GOLM2: variants seen among roughly 807,000 people sequenced by gnomAD.
The protein encoded by GOLM2 is protein GOLM2.
Under a neutral mutation model 55.9 loss-of-function variants are expected in GOLM2, and 26 were observed. That is an observed-to-expected ratio of 0.47 (90% confidence interval 0.34 to 0.65). The LOEUF is 0.65. Ranked by LOEUF, GOLM2 falls within the 30% of genes least tolerant of loss-of-function variation. The pLI is 0.01. For synonymous variants in GOLM2, 165 were observed against 194.6 expected, an observed-to-expected ratio of 0.85 and a Z score of 1.27; for missense variants, 486 against 531.8, an observed-to-expected ratio of 0.91 and a Z score of 0.85.
Position 44,289,234 on chromosome 15 carries a change from G to A in GOLM2, c.205G>A (p.Asp69Asn), listed in dbSNP as rs2078703007. 6.2e-7 allele frequency: 1 copy of A among 1,614,082 alleles called. No individual in the cohort carries two copies. Among genetic ancestry groups the A allele is most frequent in the Admixed American group, 1.7e-5 (1 of 60,008 alleles). Residue 69 changes from aspartate (D) to asparagine (N), a missense_variant, in exon 1 of 10, where the codon GAC becomes AAC. By Grantham distance (23) the Asp-to-Asn change is conservative. Transcript: ENST00000299957. This position sits in a 1 kb window ranked among gnomAD's most constrained non-coding sequence, Gnocchi z 4.8. The stretch of plus-strand genomic sequence containing the variant: ...CGGGCGGCTGGAAAAGCGCAATTCG[G>A]ACCTCTTGCTGTTGGTGGACACGCA... ...ARGRLEKRNS[D>N]LLLLVDTHKK...
intron 6 of GOLM2, among the ~76,000 whole-genome samples, chr15:44,351,926 C>T (rs930546922): frequency 5.9e-5 from 9 of 152,010 alleles, no homozygotes; most frequent in African/African-American, 2.2e-4. Flanking sequence ...TTGAAGAGGA[C>T]ACACACACAA....
intron 6 of GOLM2, among the ~76,000 whole-genome samples, chr15:44,361,047 C>G (rs1366696389): frequency 6.6e-6 from 1 of 150,590 alleles, no homozygotes; most frequent in Non-Finnish European, 1.5e-5. Flanking sequence ...GGGACACATT[C>G]AAAGCAGTGT....
At chr15:44,296,877 C>T (rs144202438) in intron 1 of GOLM2, among the ~76,000 whole-genome samples, 1 of 152,310 alleles carries the variant, frequency 6.6e-6, no homozygotes, top group East Asian at 1.9e-4. Flanking sequence ...TGAGTATCAA[C>T]CTTCTACAGT....
Position 44,365,496 on chromosome 15 carries a change from A to T in GOLM2, c.803-14194A>T, listed in dbSNP as rs556590676. Among the ~76,000 whole-genome samples the T allele has an allele frequency of 4.7e-4, 72 of 152,244 alleles. 1 individual carries two copies. The highest frequency in any genetic ancestry group is 1.7e-3 in the African/African-American group (71 of 41,530). On this transcript the variant is annotated intron_variant, in intron 6 of 9. Transcript: ENST00000299957. ...GAGCTGTGACTGCACTCCAGCCTGG[A>T]CAATGGAGTAAGAACCTGTGTCAAA...
Position 44,335,987 on chromosome 15 carries a change from G to A in GOLM2, c.577-1776G>A, listed in dbSNP as rs567419758. Among the ~76,000 whole-genome samples, 113 of 151,200 alleles carry A rather than the reference G, an allele frequency of 7.5e-4. 1 individual carries two copies. In the Middle Eastern group the frequency reaches 0.017, roughly 23 times the overall value. ...GCGCCACCATGCCCGACTAATTTTT[G>A]TATTTTTAGTAGAGACGGGGTTTCG... On this transcript the variant is annotated intron_variant, in intron 4 of 9. Transcript: ENST00000299957.
intron 6 of GOLM2, among the ~76,000 whole-genome samples, chr15:44,368,295 G>A (rs1189091284): frequency 1.4e-5 from 2 of 147,662 alleles, no homozygotes; most frequent in Non-Finnish European, 3.0e-5. Flanking sequence ...GCACCACCAC[G>A]CCCAGCTATT....
intron 8 of GOLM2, among the ~76,000 whole-genome samples, chr15:44,398,090 A>G (rs2079539498): frequency 6.6e-6 from 1 of 152,234 alleles, no homozygotes; most frequent in Non-Finnish European, 1.5e-5. Flanking sequence ...CAGGGAGCTT[A>G]AAAGAAATCT....
intron 6 of GOLM2, among the ~76,000 whole-genome samples, chr15:44,375,787 A>T (rs9672962): frequency 0.012 from 1,894 of 152,302 alleles, 45 homozygotes; most frequent in African/African-American, 0.044. Flanking sequence ...CAAAAAAATT[A>T]AAAAAATGAA....
At chr15:44,310,966 G>A (rs1021252830) in intron 1 of GOLM2, among the ~76,000 whole-genome samples, 9 of 151,502 alleles carry the variant, frequency 5.9e-5, no homozygotes, top group East Asian at 1.9e-4. Context: ...GCAGTGAGCC[G>A]AGATTGTGCC....
intron 6 of GOLM2, among the ~76,000 whole-genome samples, chr15:44,372,368 GAC>G (rs1188191289): frequency 2.4e-4 from 36 of 152,308 alleles, no homozygotes; most frequent in African/African-American, 8.7e-4. Flanking sequence ...TGGAAGTCTA[GAC>G]AGTTTTGAGA....
rs559325871 is a variant in GOLM2, at chr15:44,383,884, G to T, written c.1072+2908G>T. Among the ~76,000 whole-genome samples the T allele has an allele frequency of 9.2e-5, 14 of 151,822 alleles. 1 individual carries two copies. The South Asian group carries it at 2.9e-3, about 32-fold the overall frequency. On this transcript the variant is annotated intron_variant, in intron 8 of 9. Coordinates refer to ENST00000299957, the MANE Select transcript of GOLM2 (RefSeq NM_138423.4). ...AACAAAAATGAGGTCTCGTTCTGTTGTCCAGACTGGTATTGAACTCCTGTG... is the reference window on the plus strand; with the variant it reads ...AACAAAAATGAGGTCTCGTTCTGTTTTCCAGACTGGTATTGAACTCCTGTG...
At position 44,314,995 on chromosome 15, in the gene GOLM2, C is replaced by G. The variant is rs79992664; in HGVS notation, c.328-7970C>G. On this transcript the variant is annotated intron_variant, in intron 1 of 9. Coordinates refer to ENST00000299957, the MANE Select transcript of GOLM2 (RefSeq NM_138423.4). ...TTATTAATGCTATTCCATTTTGATC[C>G]AGCTGGTATAGGTGTTAACCATGCT... 6.6e-3 allele frequency among the ~76,000 whole-genome samples: 1,001 copies of G among 152,300 alleles called. 15 individuals carry two copies. The highest frequency in any genetic ancestry group is 0.023 in the African/African-American group (938 of 41,558).
intron 4 of GOLM2, among the ~76,000 whole-genome samples, chr15:44,335,639 T>C (rs2079051285): frequency 6.6e-6 from 1 of 152,152 alleles, no homozygotes; most frequent in Non-Finnish European, 1.5e-5. Flanking sequence ...CCTTGGTGTT[T>C]ATATTGACAT....
At chr15:44,401,327 A>G (rs1410658025) in intron 8 of GOLM2, among the ~76,000 whole-genome samples, 1 of 151,918 alleles carries the variant, frequency 6.6e-6, no homozygotes, top group African/African-American at 2.4e-5. Flanking sequence ...TACAGTGGCA[A>G]TATCCTAACT....
intron 6 of GOLM2, among the ~76,000 whole-genome samples, chr15:44,352,100 C>G (rs142511887): frequency 2.0e-5 from 3 of 152,056 alleles, no homozygotes; most frequent in Non-Finnish European, 4.4e-5. Context: ...CATAAAAGGC[C>G]TAGAATAGCC....
chr15:44,328,610 C>A (rs2079000240), intron 2 of GOLM2, 75 bp from the exon 3 acceptor site: 1 of 889,806 alleles, frequency 1.1e-6, no homozygotes, highest in Non-Finnish European at 1.7e-6. Context: ...ATTAAAAAAA[C>A]ATCCCATAGC....
rs1375892869 is a variant in GOLM2, at chr15:44,343,194, G to A, written c.802+4877G>A. Among the ~76,000 whole-genome samples, 5 of 151,962 alleles carry A rather than the reference G, an allele frequency of 3.3e-5. No homozygotes were observed. In the South Asian group the frequency reaches 1.0e-3, roughly 32 times the overall value. On this transcript the variant is annotated intron_variant, in intron 6 of 9. Transcript: ENST00000299957. ...CTAAAAATACAAAAATTAGCTGGGT[G>A]TGGTGGTGGGCACCTGTAATCCCAG...
At chr15:44,317,227 A>G (rs1250775131) in intron 1 of GOLM2, among the ~76,000 whole-genome samples, 2 of 148,236 alleles carry the variant, frequency 1.3e-5, no homozygotes, top group Admixed American at 1.3e-4. Flanking sequence ...GACAAAAAAA[A>G]TTATCTGGGC....
intron 6 of GOLM2, among the ~76,000 whole-genome samples, chr15:44,340,272 A>C (rs924614192): frequency 6.6e-6 from 1 of 151,844 alleles, no homozygotes; most frequent in Non-Finnish European, 1.5e-5. Flanking sequence ...GAGAGCCAAA[A>C]ATTACATATA....
Sources: gnomAD v4.1 joint callset for allele counts (sites outside exome capture counted in the v4.1 genomes callset) on GRCh38, gnomAD v4.1.1 for gene constraint, Gnocchi (gnomAD v3.1) non-coding constraint, MANE v1.5 for transcripts, NCBI Gene and HGNC (gene_info 2026-07-23, HGNC 2026-07-21) for gene names.